TBX20: variants seen among roughly 807,000 people sequenced by gnomAD.
TBX20 encodes T-box transcription factor 20.
TBX20 carries 8 observed loss-of-function variants against 42.9 expected under a neutral mutation model. That is an observed-to-expected ratio of 0.19 (90% CI 0.11 to 0.34). The LOEUF is 0.34. Ranked by LOEUF, TBX20 falls within the 10% of genes least tolerant of loss-of-function variation. The pLI, the probability that TBX20 is intolerant of heterozygous loss-of-function variation, is 1.00. For synonymous variants in TBX20, 198 were observed against 222.8 expected (o/e 0.89, Z 0.99); for missense variants, 411 against 566.0 (o/e 0.73, Z 2.78).
At chr7:35,206,136 A>C (rs1789394755) in intron 6 of TBX20, among the ~76,000 whole-genome samples, 1 of 152,250 alleles carries the variant, frequency 6.6e-6, no homozygotes. Flanking sequence ...CAGGGACTTG[A>C]AGGATTAGAG....
intron 5 of TBX20, among the ~76,000 whole-genome samples, chr7:35,232,768 T>C (rs545435811): frequency 6.6e-6 from 1 of 152,332 alleles, no homozygotes; most frequent in Non-Finnish European, 1.5e-5. Flanking sequence ...CTCACGCCTG[T>C]AATCCCAGCG....
At chr7:35,223,956 A>G (rs925355096) in intron 6 of TBX20, among the ~76,000 whole-genome samples, 2 of 152,240 alleles carry the variant, frequency 1.3e-5, no homozygotes, top group African/African-American at 4.8e-5. Context: ...ATTTTTAAAA[A>G]TTAAAGGGTA....
At chr7:35,216,511 G>A in intron 6 of TBX20, among the ~76,000 whole-genome samples, 1 of 152,260 alleles carries the variant, frequency 6.6e-6, no homozygotes, top group Non-Finnish European at 1.5e-5. Flanking sequence ...AATACACAGA[G>A]AGCTTAATTG....
intron 6 of TBX20, among the ~76,000 whole-genome samples, chr7:35,208,938 T>C (rs1481483782): frequency 1.3e-5 from 2 of 151,986 alleles, no homozygotes; most frequent in Admixed American, 1.3e-4. Context: ...AGAATAGAGG[T>C]TGAATTTTGC....
At chr7:35,245,417 T>C (rs901815101) in intron 3 of TBX20, among the ~76,000 whole-genome samples, 1 of 151,920 alleles carries the variant, frequency 6.6e-6, no homozygotes, top group Non-Finnish European at 1.5e-5. Context: ...GAAGGTGCTT[T>C]CAAAAGAAAA....
At chr7:35,203,043 T>C (rs1299877143) in intron 7 of TBX20, among the ~76,000 whole-genome samples, 1 of 152,096 alleles carries the variant, frequency 6.6e-6, no homozygotes, top group Non-Finnish European at 1.5e-5. Flanking sequence ...AAAACATTAA[T>C]ACCCTGCCTG....
At chr7:35,241,656 T>G (rs1378066144) in intron 4 of TBX20, among the ~76,000 whole-genome samples, 2 of 152,150 alleles carry the variant, frequency 1.3e-5, no homozygotes, top group Admixed American at 6.5e-5. Flanking sequence ...TGTATTATTA[T>G]TAGTAATAGA....
chr7:35,211,832 A>G (rs1348614212), intron 6 of TBX20, among the ~76,000 whole-genome samples: 1 of 152,142 alleles, frequency 6.6e-6, no homozygotes, highest in Non-Finnish European at 1.5e-5. Flanking sequence ...TAATACGTCT[A>G]TCATTCTCTG....
chr7:35,206,385 T>C (rs1789400921), intron 6 of TBX20, among the ~76,000 whole-genome samples: 2 of 152,024 alleles, frequency 1.3e-5, no homozygotes, highest in Non-Finnish European at 2.9e-5. Context: ...CTGTCTCTAT[T>C]AAAAATACAA....
intron 2 of TBX20, 92 bp from the exon 3 acceptor site, chr7:35,248,933 G>A (rs1422147839): frequency 6.6e-7 from 1 of 1,517,770 alleles, no homozygotes; most frequent in Non-Finnish European, 9.1e-7. Context: ...GAGGGAAGGA[G>A]GGAAAGGGTC....
chr7:35,229,622 T>C (rs955667329), intron 6 of TBX20, among the ~76,000 whole-genome samples: 1 of 152,204 alleles, frequency 6.6e-6, no homozygotes, highest in Non-Finnish European at 1.5e-5. Flanking sequence ...ACATGCATTA[T>C]CAAATCTGCC....
chr7:35,230,647 G>A (rs1014690342), intron 6 of TBX20, among the ~76,000 whole-genome samples: 5 of 152,190 alleles, frequency 3.3e-5, no homozygotes, highest in African/African-American at 1.2e-4. Flanking sequence ...GTCAGGAGAT[G>A]TGGCTATATA....
chr7:35,226,862 C>CAA (rs562808802), intron 6 of TBX20, among the ~76,000 whole-genome samples: 1 of 144,058 alleles, frequency 6.9e-6, no homozygotes, highest in African/African-American at 2.5e-5. Flanking sequence ...TTCTACTTAT[C>CAA]AAAAAAAAAA....
chr7:35,221,375 A>G (rs950765918), intron 6 of TBX20, among the ~76,000 whole-genome samples: 1 of 151,966 alleles, frequency 6.6e-6, no homozygotes, highest in Non-Finnish European at 1.5e-5. Context: ...TGAATTTTCA[A>G]TTGTAAAGGC....
At chr7:35,219,467 A>G (rs1241397486) in intron 6 of TBX20, among the ~76,000 whole-genome samples, 2 of 152,230 alleles carry the variant, frequency 1.3e-5, no homozygotes, top group African/African-American at 4.8e-5. Flanking sequence ...ATTTTTTCCA[A>G]CCATTTAAAG....
At chr7:35,216,450 T>C (rs1207920787) in intron 6 of TBX20, among the ~76,000 whole-genome samples, 2 of 152,246 alleles carry the variant, frequency 1.3e-5, no homozygotes, top group Non-Finnish European at 2.9e-5. Flanking sequence ...ATCTGTAAAA[T>C]AAGGATATCA....
At position 35,236,201 on chromosome 7, in the gene TBX20, A is replaced by G. The variant is rs373114475; in HGVS notation, c.814-4621T>C. On this transcript the variant is annotated intron_variant, in intron 5 of 7. Coordinates refer to ENST00000408931, the MANE Select transcript of TBX20 (RefSeq NM_001077653.2). Reference sequence around the variant, plus strand: ...GGAATTTTTTCACAAATTGTTTTGGAAACTCTGACTTGGATTTCAATACAC... The same window carrying G: ...GGAATTTTTTCACAAATTGTTTTGGGAACTCTGACTTGGATTTCAATACAC... Among the ~76,000 whole-genome samples, 66 of 152,154 alleles carry G rather than the reference A, an allele frequency of 4.3e-4. 1 individual carries two copies. The South Asian group carries it at 0.011, about 26-fold the overall frequency.
At chr7:35,227,146 G>A (rs531970612) in intron 6 of TBX20, among the ~76,000 whole-genome samples, 1 of 151,656 alleles carries the variant, frequency 6.6e-6, no homozygotes, top group African/African-American at 2.4e-5. Flanking sequence ...AAGAAAAAAT[G>A]TTTTTGTACA....
At chr7:35,245,319 G>GTGTGTGTGTGTGT (rs3219698) in intron 3 of TBX20, among the ~76,000 whole-genome samples, 24 of 146,398 alleles carry the variant, frequency 1.6e-4, no homozygotes, top group African/African-American at 5.6e-4. Context: ...TGTTTAAAGG[G>GTGTGTGTGTGTGT]GTGTGTGTGT....
Sources: allele counts gnomAD v4.1 joint callset (sites outside exome capture counted in the v4.1 genomes callset), GRCh38; gene constraint gnomAD v4.1.1; transcripts MANE v1.5; gene names NCBI Gene and HGNC (gene_info 2026-07-23, HGNC 2026-07-21).